Variants in ROBO1 observed in about 807,000 individuals in gnomAD.
The protein encoded by ROBO1 is roundabout homolog 1.
ROBO1 carries 149 observed loss-of-function variants against 195.9 expected under a neutral mutation model. The ratio of observed to expected loss-of-function variants is 0.76; its 90% CI spans 0.67 to 0.87. The LOEUF (loss-of-function observed/expected upper bound fraction) is 0.87. Ranked by LOEUF, ROBO1 falls within the 40% of genes least tolerant of loss-of-function variation. The pLI is 0.00. For missense variants in ROBO1, 1,933 were observed against 2,068.3 expected, an observed-to-expected ratio of 0.93 and a Z score of 1.27; for synonymous variants, 816 against 733.2, an observed-to-expected ratio of 1.11 and a Z score of -1.82.
intron 4 of ROBO1, among the ~76,000 whole-genome samples, chr3:78,849,840 A>ACT (rs2033931963): frequency 6.6e-6 from 1 of 150,482 alleles, no homozygotes; most frequent in Non-Finnish European, 1.5e-5. Context: ...TTACACACAC[A>ACT]CACACACACA....
At chr3:78,886,007 C>A (rs1027891049) in intron 4 of ROBO1, among the ~76,000 whole-genome samples, 2 of 143,522 alleles carry the variant, frequency 1.4e-5, no homozygotes, top group African/African-American at 5.2e-5. Flanking sequence ...TATACATGAA[C>A]AAGTTTATAT....
chr3:78,925,210 C>T (rs2039143259), intron 4 of ROBO1, among the ~76,000 whole-genome samples: 1 of 152,112 alleles, frequency 6.6e-6, no homozygotes, highest in African/African-American at 2.4e-5. Flanking sequence ...GCATATTCCC[C>T]TTTAAATACC....
chr3:79,148,000 TC>T (rs1256203848), intron 2 of ROBO1, among the ~76,000 whole-genome samples: 1 of 151,944 alleles, frequency 6.6e-6, no homozygotes, highest in Non-Finnish European at 1.5e-5. Context: ...TGAAACTTTG[TC>T]AACAATGTTG....
intron 4 of ROBO1, among the ~76,000 whole-genome samples, chr3:78,843,321 G>C (rs565337338): frequency 6.6e-6 from 1 of 152,204 alleles, no homozygotes; most frequent in Admixed American, 6.5e-5. Context: ...ATTGGGGACT[G>C]AGACTCGCCT....
At chr3:79,156,232 C>G (rs1219484137) in intron 2 of ROBO1, among the ~76,000 whole-genome samples, 1 of 151,312 alleles carries the variant, frequency 6.6e-6, no homozygotes, top group Non-Finnish European at 1.5e-5. Context: ...CAATCCAATG[C>G]ACGGTGTACC....
chr3:78,672,492 T>A (rs1252352024), intron 10 of ROBO1, among the ~76,000 whole-genome samples: 3 of 149,844 alleles, frequency 2.0e-5, no homozygotes. Flanking sequence ...CTTGACAGAC[T>A]GAGGTGGGAG....
chr3:79,034,049 A>G (rs1422107457), intron 3 of ROBO1, among the ~76,000 whole-genome samples: 2 of 152,186 alleles, frequency 1.3e-5, no homozygotes, highest in Non-Finnish European at 2.9e-5. Flanking sequence ...ACTACCTCTG[A>G]TCTAGATTGT....
intron 18 of ROBO1, among the ~76,000 whole-genome samples, chr3:78,653,827 G>T (rs1706827640): frequency 6.6e-6 from 1 of 152,166 alleles, no homozygotes; most frequent in Non-Finnish European, 1.5e-5. Flanking sequence ...ACCTGGTCAT[G>T]GGTTGAACAC....
At chr3:79,676,635 T>C (rs1297272903) in intron 1 of ROBO1, among the ~76,000 whole-genome samples, 2 of 152,108 alleles carry the variant, frequency 1.3e-5, no homozygotes, top group African/African-American at 4.8e-5. Context: ...CAACATGGCC[T>C]CTTCCTCCTC....
chr3:79,115,356 G>A (rs1286293667), intron 3 of ROBO1, among the ~76,000 whole-genome samples: 5 of 152,102 alleles, frequency 3.3e-5, no homozygotes, highest in Non-Finnish European at 5.9e-5. Flanking sequence ...TAAGAGATAC[G>A]AGATGGATCC....
intron 26 of ROBO1, among the ~76,000 whole-genome samples, chr3:78,622,970 T>A (rs1017781767): frequency 6.6e-6 from 1 of 152,192 alleles, no homozygotes; most frequent in African/African-American, 2.4e-5. Context: ...GGATTGGAGA[T>A]GAATTGTCCA....
rs186355671 is a variant in ROBO1 at position 79,509,773 on chromosome 3, C to G, written c.88+80051G>C. ...CTCTTCCTTAATCTTAACCCCCCTC[C>G]ATGAAACATATGAATGTGATTCTGT... is the stretch of plus-strand genomic sequence containing the variant. On this transcript the variant is annotated intron_variant, in intron 2 of 30. Coordinates refer to ENST00000464233, the MANE Select transcript of ROBO1 (RefSeq NM_002941.4). 3.6e-3 allele frequency among the ~76,000 whole-genome samples: 550 copies of G among 152,190 alleles called. 7 individuals are homozygous for G. The highest frequency in any genetic ancestry group is 2.8e-3 in the Non-Finnish European group (190 of 68,008).
chr3:79,158,268 G>A (rs1440882218), intron 2 of ROBO1, among the ~76,000 whole-genome samples: 3 of 150,790 alleles, frequency 2.0e-5, no homozygotes, highest in Non-Finnish European at 4.4e-5. Context: ...TCCCATTGAA[G>A]TTTTAGTTTT....
intron 2 of ROBO1, among the ~76,000 whole-genome samples, chr3:79,245,281 C>T (rs904420788): frequency 1.3e-5 from 2 of 152,060 alleles, no homozygotes; most frequent in African/African-American, 2.4e-5. Flanking sequence ...AAAATATTTT[C>T]ATATGGCAAA....
intron 4 of ROBO1, among the ~76,000 whole-genome samples, chr3:78,856,772 T>C (rs558390323): frequency 2.1e-3 from 319 of 151,594 alleles, no homozygotes; most frequent in Non-Finnish European, 3.6e-3. Context: ...CACTGTTCAA[T>C]GTTTTATATA....
intron 4 of ROBO1, among the ~76,000 whole-genome samples, chr3:78,793,792 G>C (rs1400887660): frequency 6.6e-6 from 1 of 151,864 alleles, no homozygotes; most frequent in African/African-American, 2.4e-5. Flanking sequence ...TTGGCCATAT[G>C]AATGTGTCAA....
At chr3:79,145,229 C>T (rs1448670548) in intron 2 of ROBO1, among the ~76,000 whole-genome samples, 2 of 151,700 alleles carry the variant, frequency 1.3e-5, no homozygotes, top group South Asian at 4.2e-4. Context: ...ACTATAAACA[C>T]CATAAAACTA....
chr3:78,829,389 A>G (rs764926689), intron 4 of ROBO1, among the ~76,000 whole-genome samples: 1 of 152,182 alleles, frequency 6.6e-6, no homozygotes, highest in Non-Finnish European at 1.5e-5. Flanking sequence ...AATTTCATTG[A>G]TTCTTTTTTC....
chr3:79,054,857 C>G (rs2078773269), intron 3 of ROBO1, among the ~76,000 whole-genome samples: 1 of 152,104 alleles, frequency 6.6e-6, no homozygotes, highest in African/African-American at 2.4e-5. Context: ...ATGCTTCAGA[C>G]TCAGACCAAC....
Sources: gnomAD v4.1 joint callset for allele counts (sites outside exome capture counted in the v4.1 genomes callset) on GRCh38, gnomAD v4.1.1 for gene constraint, MANE v1.5 for transcripts, NCBI Gene and HGNC (gene_info 2026-07-23, HGNC 2026-07-21) for gene names.